The following DIP2C variants were observed in gnomAD, a reference collection of about 807,000 sequenced individuals.
The protein encoded by DIP2C is disco-interacting protein 2 homolog C.
In DIP2C, 33 loss-of-function variants were observed where a neutral mutation model predicts 192.4. The ratio of observed to expected loss-of-function variants is 0.17; its 90% CI spans 0.13 to 0.23. The LOEUF (loss-of-function observed/expected upper bound fraction) is 0.23. Among genes scored for constraint, DIP2C ranks in the 10% least tolerant of loss-of-function variants. The pLI, the probability that DIP2C is intolerant of heterozygous loss-of-function variation, is 1.00. For missense variants in DIP2C, 1,537 were observed against 2,110.1 expected (o/e 0.73, Z 5.32); for synonymous variants, 979 against 864.1 (o/e 1.13, Z -2.33).
chr10:346,745 A>ACCGCGCATAGTTCTCCCGGAAACG lies in DIP2C; in HGVS notation c.3232-1636_3232-1635insCGTTTCCGGGAGAACTATGCGCGG, dbSNP rs1958494387. Among the ~76,000 whole-genome samples, 2 of 136,690 alleles carry ACCGCGCATAGTTCTCCCGGAAACG rather than the reference A, an allele frequency of 1.5e-5. 1 individual carries two copies. Among genetic ancestry groups the ACCGCGCATAGTTCTCCCGGAAACG allele is most frequent in the Non-Finnish European group, 3.1e-5 (2 of 64,986 alleles). The allele number at this position is 136,690 out of a possible 152,430, so 89.7% of individuals were successfully genotyped here. A position where few individuals can be genotyped will look rare whatever the true frequency, so the allele number is the denominator to read the frequency against. Reference sequence around the variant, plus strand: ...GGAAACGTCACACACACCCAGACACATCACGCATAGTTCTCCCGGAAACGT... The same window carrying ACCGCGCATAGTTCTCCCGGAAACG: ...GGAAACGTCACACACACCCAGACACACCGCGCATAGTTCTCCCGGAAACGTCACGCATAGTTCTCCCGGAAACGT... On this transcript the variant is annotated intron_variant, in intron 26 of 36. Transcript: ENST00000280886.
At chr10:529,370 AG>A (rs1397549102) in intron 1 of DIP2C, among the ~76,000 whole-genome samples, 3 of 152,224 alleles carry the variant, frequency 2.0e-5, no homozygotes, top group Non-Finnish European at 4.4e-5. Context: ...TGAGAGAGGA[AG>A]AAGGGATCAG....
intron 1 of DIP2C, among the ~76,000 whole-genome samples, chr10:494,967 C>T (rs1844708207): frequency 6.6e-6 from 1 of 152,180 alleles, no homozygotes; most frequent in Non-Finnish European, 1.5e-5. Flanking sequence ...ACAATCACTT[C>T]GATGTGGAAT....
At chr10:557,291 G>A (rs1274216136) in intron 1 of DIP2C, among the ~76,000 whole-genome samples, 2 of 152,188 alleles carry the variant, frequency 1.3e-5, no homozygotes, top group Non-Finnish European at 2.9e-5. Context: ...GATAGCCACA[G>A]CCCTGGACAG....
chr10:364,554 G>A lies in DIP2C; in HGVS notation c.2297C>T (p.Pro766Leu), dbSNP rs756599363. 48 of 1,613,860 alleles carry A rather than the reference G, an allele frequency of 3.0e-5. No homozygotes were observed. Among genetic ancestry groups the A allele is most frequent in the East Asian group, 1.3e-4 (6 of 44,896 alleles). Residue 766 changes from proline to leucine, a missense_variant, in exon 20 of 37, where the codon CCG becomes CTG. Pro to Leu is a moderately conservative substitution (Grantham distance 98). This residue lies in a region of DIP2C where 677 missense variants were observed against 989.9 expected (regional missense o/e 0.68). Coordinates refer to ENST00000280886, the MANE Select transcript of DIP2C (RefSeq NM_014974.3). ...CCTTATGAATGGGTATTCACTGATC[G>A]GAGCCCCGGAGCTTGTCATGGGAAA... ...EVFPMTSSGA[P>L]ISEYPFIRTG...
intron 14 of DIP2C, among the ~76,000 whole-genome samples, chr10:385,674 T>C (rs886113226): frequency 1.3e-5 from 2 of 152,156 alleles, no homozygotes; most frequent in Admixed American, 1.3e-4. Context: ...ACACAGAGGC[T>C]GGGACTCACA....
intron 1 of DIP2C, among the ~76,000 whole-genome samples, chr10:688,814 G>C (rs939604493): frequency 1.3e-5 from 2 of 152,248 alleles, no homozygotes; most frequent in Non-Finnish European, 2.9e-5. Context: ...GGACCAGGAC[G>C]GCAAGGCCGG....
chr10:615,587 G>T (rs994388167), intron 1 of DIP2C, among the ~76,000 whole-genome samples: 3 of 151,888 alleles, frequency 2.0e-5, no homozygotes. Flanking sequence ...TATTTACTTC[G>T]GATGCCAGAA....
chr10:413,614 G>A (rs1237332349), intron 8 of DIP2C, among the ~76,000 whole-genome samples: 1 of 152,226 alleles, frequency 6.6e-6, no homozygotes, highest in African/African-American at 2.4e-5. Flanking sequence ...ACATAAGGCA[G>A]CACAAAATCA....
chr10:579,082 A>G (rs1850386843), intron 1 of DIP2C, among the ~76,000 whole-genome samples: 1 of 152,152 alleles, frequency 6.6e-6, no homozygotes, highest in South Asian at 2.1e-4. Context: ...TGCATAGAGC[A>G]TACACACATG....
chr10:466,022 G>T (rs575622446), intron 3 of DIP2C, among the ~76,000 whole-genome samples: 2 of 151,782 alleles, frequency 1.3e-5, no homozygotes, highest in African/African-American at 4.8e-5. Flanking sequence ...TTTCTTCACA[G>T]AATTGGAAAA....
chr10:318,333 G>A (rs755752228), intron 31 of DIP2C, among the ~76,000 whole-genome samples: 4 of 152,172 alleles, frequency 2.6e-5, no homozygotes, highest in Non-Finnish European at 5.9e-5. Flanking sequence ...GTGGGGAGAC[G>A]ATCAACCAGT....
chr10:619,529 G>GCCCGCCCGCCCGCCCGCCCGCCCT (rs1853713222), intron 1 of DIP2C, among the ~76,000 whole-genome samples: 2 of 22,004 alleles, frequency 9.1e-5, no homozygotes, highest in African/African-American at 4.2e-4. Context: ...CCAGGACCAA[G>GCCCGCCCGCCCGCCCGCCCGCCCT]CCCGCCCGCC....
At chr10:319,968 T>C (rs1956935986) in intron 31 of DIP2C, among the ~76,000 whole-genome samples, 1 of 152,216 alleles carries the variant, frequency 6.6e-6, no homozygotes, top group Non-Finnish European at 1.5e-5. Flanking sequence ...CTAAAGAATG[T>C]ATTTTTCCAG....
chr10:363,310 T>G lies in DIP2C; in HGVS notation c.2479A>C (p.Ile827Leu). 1 of 1,610,386 alleles carries G rather than the reference T, an allele frequency of 6.2e-7. No homozygotes were observed. Among genetic ancestry groups the G allele is most frequent in the Non-Finnish European group, 8.5e-7 (1 of 1,179,860 alleles). The change falls in exon 21 of 37, where the codon ATA (isoleucine) becomes CTA (leucine). Residue 827 changes from isoleucine (I) to leucine (L), a missense_variant and splice_region_variant. By Grantham distance (5) the Ile-to-Leu change is conservative (BLOSUM62 2). Around this residue, in one of 4 missense-constraint regions of DIP2C, gnomAD observed 677 missense variants for 989.9 expected, o/e 0.68. Coordinates refer to ENST00000280886, the MANE Select transcript of DIP2C (RefSeq NM_014974.3). The surrounding 1 kb of genome is among the most constrained non-coding windows in gnomAD (Gnocchi z 5.4). The part of the protein sequence containing the change: ...EPMKFVYRGR[I>L]AVFSVTVLHD... ...AGCACGGTCACCGAGAACACGGCTA[T>G]CCTGCGGGGACACAGGAGCATGGTG...
chr10:394,031 A>G (rs1337001215), intron 10 of DIP2C, among the ~76,000 whole-genome samples: 1 of 152,212 alleles, frequency 6.6e-6, no homozygotes, highest in Non-Finnish European at 1.5e-5. Context: ...ATATAGAACT[A>G]CCATATGATC....
At chr10:325,224 C>T (rs1317622817) in intron 31 of DIP2C, among the ~76,000 whole-genome samples, 2 of 151,604 alleles carry the variant, frequency 1.3e-5, no homozygotes, top group Admixed American at 1.3e-4. Flanking sequence ...CAGATCACGG[C>T]AATGCACTCC....
chr10:600,376 C>G (rs1851977985), intron 1 of DIP2C, among the ~76,000 whole-genome samples: 1 of 150,604 alleles, frequency 6.6e-6, no homozygotes, highest in Non-Finnish European at 1.5e-5. Flanking sequence ...TGTCCCAAAG[C>G]CTGAATGTGG....
intron 3 of DIP2C, among the ~76,000 whole-genome samples, chr10:444,099 C>T (rs928373002): frequency 2.0e-5 from 3 of 152,210 alleles, no homozygotes; most frequent in African/African-American, 7.2e-5. Context: ...TCACCTGAGA[C>T]TCGTGTAGAT....
chr10:640,193 C>T (rs1245195530), intron 1 of DIP2C, among the ~76,000 whole-genome samples: 1 of 152,236 alleles, frequency 6.6e-6, no homozygotes, highest in Non-Finnish European at 1.5e-5. Context: ...TGGCAAGTGC[C>T]TGAACGTCCC....
Sources: allele counts gnomAD v4.1 joint callset (sites outside exome capture counted in the v4.1 genomes callset), GRCh38; gene constraint gnomAD v4.1.1; regional missense constraint gnomAD v4.1.1; non-coding constraint Gnocchi (gnomAD v3.1); transcripts MANE v1.5; gene names NCBI Gene and HGNC (gene_info 2026-07-23, HGNC 2026-07-21).